The following CNBD1 variants were observed in gnomAD, a reference collection of about 807,000 sequenced individuals.
CNBD1 encodes cyclic nucleotide-binding domain-containing protein 1.
In CNBD1, 71 loss-of-function variants were observed where a neutral mutation model predicts 54.4. The observed-to-expected ratio is 1.30, with a 90% CI of 1.08 to 1.59. The LOEUF is 1.59. Ranked by LOEUF, CNBD1 falls within the 40% of genes most tolerant of loss-of-function variation. CNBD1 has a pLI of 0.00. For missense variants in CNBD1, 659 were observed against 518.0 expected, an observed-to-expected ratio of 1.27 and a Z score of -2.64; for synonymous variants, 182 against 170.7, an observed-to-expected ratio of 1.07 and a Z score of -0.51.
intron 5 of CNBD1, 121 bp downstream of exon 5, chr8:87,206,259 C>A: frequency 1.3e-6 from 1 of 757,002 alleles, no homozygotes; most frequent in Non-Finnish European, 2.0e-6. Flanking sequence ...TAAAAATGTA[C>A]TATTTGGGTG....
At position 87,239,478 on chromosome 8, in the gene CNBD1, A is replaced by G. The variant is rs147163068; in HGVS notation, c.771+2366A>G. Among the ~76,000 whole-genome samples, 401 of 152,296 alleles carry G rather than the reference A, an allele frequency of 2.6e-3. 4 individuals carry two copies. Among genetic ancestry groups the G allele is most frequent in the African/African-American group, 9.2e-3 (382 of 41,572 alleles). ...TGTAGTTTTGCACACATAAAGGGCT[A>G]TATTTTTCTTTCTCCCTTTTTTGGC... On this transcript the variant is annotated intron_variant, in intron 6 of 10. Coordinates refer to ENST00000518476, the MANE Select transcript of CNBD1 (RefSeq NM_173538.3).
intron 3 of CNBD1, among the ~76,000 whole-genome samples, chr8:86,935,283 G>A (rs946713913): frequency 5.3e-5 from 8 of 152,048 alleles, no homozygotes; most frequent in African/African-American, 1.9e-4. Flanking sequence ...TAATCCACCT[G>A]CCTGGTCCTC....
chr8:87,131,799 A>G (rs1225368838), intron 4 of CNBD1, among the ~76,000 whole-genome samples: 1 of 151,818 alleles, frequency 6.6e-6, no homozygotes, highest in East Asian at 1.9e-4. Flanking sequence ...AACCACCTCA[A>G]CTCAACTTCT....
rs373990967 is a variant in CNBD1 at position 87,270,880 on chromosome 8, A to C, written c.772-13798A>C. Among the ~76,000 whole-genome samples, 6 of 151,938 alleles carry C rather than the reference A, an allele frequency of 3.9e-5. No homozygotes were observed. In the South Asian group the frequency reaches 1.2e-3, roughly 31 times the overall value. Reference sequence around the variant, plus strand: ...GTTCCTTAAATTTTTGTTAGAATACAGCAGTGAAGCTGTAATGTCCTGGGC... The same window carrying C: ...GTTCCTTAAATTTTTGTTAGAATACCGCAGTGAAGCTGTAATGTCCTGGGC... On this transcript the variant is annotated intron_variant, in intron 6 of 10. Coordinates refer to ENST00000518476, the MANE Select transcript of CNBD1 (RefSeq NM_173538.3).
intron 4 of CNBD1, among the ~76,000 whole-genome samples, chr8:87,183,161 T>C (rs370833169): frequency 1.3e-5 from 2 of 152,180 alleles, no homozygotes; most frequent in African/African-American, 2.4e-5. Context: ...TAGTGAGTCT[T>C]TTCCCTACTG....
intron 4 of CNBD1, among the ~76,000 whole-genome samples, chr8:87,070,999 C>T (rs1170212678): frequency 1.3e-5 from 2 of 151,764 alleles, no homozygotes; most frequent in Non-Finnish European, 2.9e-5. Flanking sequence ...TTATTCTCTT[C>T]AATTGTTGAT....
intron 4 of CNBD1, among the ~76,000 whole-genome samples, chr8:87,127,057 G>T (rs1812007802): frequency 1.3e-5 from 2 of 151,616 alleles, no homozygotes; most frequent in African/African-American, 4.8e-5. Context: ...GACTACACTG[G>T]CTTGCTTACC....
rs577746480 is a variant in CNBD1 at position 86,912,964 on chromosome 8, A to G, written c.272+7770A>G. On this transcript the variant is annotated intron_variant, in intron 3 of 10. Transcript: ENST00000518476. The stretch of plus-strand genomic sequence containing the variant: ...TAAAAAGTAAAAATAAAAATAAAAA[A>G]TTTTAAAAATAGAAAAATGCTTATA... 1.4e-4 allele frequency among the ~76,000 whole-genome samples: 22 copies of G among 152,298 alleles called. No individual in the cohort carries two copies. The South Asian group carries it at 1.9e-3, about 13-fold the overall frequency.
intron 4 of CNBD1, among the ~76,000 whole-genome samples, chr8:86,948,691 T>G (rs1202822133): frequency 6.6e-6 from 1 of 152,168 alleles, no homozygotes; most frequent in African/African-American, 2.4e-5. Flanking sequence ...TTGCAAATAT[T>G]TTCCCCCATT....
chr8:87,426,014 C>G (rs1396192657), intron 2 of CNBD1, among the ~76,000 whole-genome samples: 1 of 152,226 alleles, frequency 6.6e-6, no homozygotes, highest in Non-Finnish European at 1.5e-5. Context: ...AGGATATAAT[C>G]TCGTGGTGCA....
At chr8:87,362,670 T>C (rs1390256926) in intron 10 of CNBD1, among the ~76,000 whole-genome samples, 1 of 152,042 alleles carries the variant, frequency 6.6e-6, no homozygotes, top group East Asian at 1.9e-4. Context: ...CAGTTTTTAG[T>C]AATGGAATCT....
chr8:87,385,155 A>G (rs1313327635), downstream of CNBD1, among the ~76,000 whole-genome samples: 1 of 152,156 alleles, frequency 6.6e-6, no homozygotes, highest in Non-Finnish European at 1.5e-5. Flanking sequence ...CAAGATGCCC[A>G]AATAGGATCA....
At chr8:87,297,018 A>C (rs995047421) in intron 8 of CNBD1, among the ~76,000 whole-genome samples, 1 of 152,044 alleles carries the variant, frequency 6.6e-6, no homozygotes, top group East Asian at 1.9e-4. Flanking sequence ...TACTAAAAAT[A>C]CAAACAAAAA....
At chr8:87,330,000 C>T (rs1809786416) in intron 8 of CNBD1, among the ~76,000 whole-genome samples, 1 of 151,886 alleles carries the variant, frequency 6.6e-6, no homozygotes, top group Non-Finnish European at 1.5e-5. Context: ...TAGTTTCTTA[C>T]CATTAAATAT....
At position 87,195,225 on chromosome 8, in the gene CNBD1, A is replaced by ATT. The variant is rs35035648; in HGVS notation, c.432-10750_432-10749dup. The stretch of plus-strand genomic sequence containing the variant: ...TGTTTTAATTTCTTTGAGAAAATTG[A>ATT]TTTTTTTTTTTTTTTTTTTCTGAGA... On this transcript the variant is annotated intron_variant, in intron 4 of 10. Transcript: ENST00000518476. 2.7e-3 allele frequency among the ~76,000 whole-genome samples: 329 copies of ATT among 119,772 alleles called. 1 individual carries two copies. Among genetic ancestry groups the ATT allele is most frequent in the African/African-American group, 9.8e-3 (309 of 31,424 alleles). The allele number at this position is 119,772 out of a possible 152,430, so 78.6% of individuals were successfully genotyped here. A position where few individuals can be genotyped will look rare whatever the true frequency, so the allele number is the denominator to read the frequency against.
At chr8:86,881,969 T>A (rs1364655435) in intron 1 of CNBD1, among the ~76,000 whole-genome samples, 1 of 152,164 alleles carries the variant, frequency 6.6e-6, no homozygotes, top group Non-Finnish European at 1.5e-5. Context: ...CTGGGAAAAC[T>A]GGCTAGCTAT....
chr8:86,925,606 G>T (rs1453146488), intron 3 of CNBD1, among the ~76,000 whole-genome samples: 7 of 150,942 alleles, frequency 4.6e-5, no homozygotes, highest in African/African-American at 1.7e-4. Context: ...AAAAAAGTTT[G>T]TAAGAGCTAT....
rs181463831 is a variant in CNBD1, at chr8:87,350,782, C to T, written c.1043-903C>T. Reference sequence around the variant, plus strand: ...TATTGATATGTTTCAGATTTCATAACGTAGAAAATATTTTGAAATACTAAT... The same window carrying T: ...TATTGATATGTTTCAGATTTCATAATGTAGAAAATATTTTGAAATACTAAT... On this transcript the variant is annotated intron_variant, in intron 8 of 10. Transcript: ENST00000518476. Among the ~76,000 whole-genome samples the T allele has an allele frequency of 5.7e-3, 860 of 151,810 alleles. 2 individuals are homozygous for T. The highest frequency in any genetic ancestry group is 8.5e-3 in the Non-Finnish European group (579 of 67,902).
chr8:87,218,866 T>G (rs1230592408), intron 5 of CNBD1, among the ~76,000 whole-genome samples: 1 of 151,944 alleles, frequency 6.6e-6, no homozygotes, highest in Non-Finnish European at 1.5e-5. Context: ...CCTTCATCAG[T>G]TTTTCCTATG....
Sources: gnomAD v4.1 joint callset for allele counts (sites outside exome capture counted in the v4.1 genomes callset) on GRCh38, gnomAD v4.1.1 for gene constraint, MANE v1.5 for transcripts, NCBI Gene and HGNC (gene_info 2026-07-23, HGNC 2026-07-21) for gene names.